COL15A1: variants seen among roughly 807,000 people sequenced by gnomAD.
COL15A1 encodes the protein collagen type XV alpha 1 chain, also known as collagen alpha-1(XV) chain.
Under a neutral mutation model 165.9 loss-of-function variants are expected in COL15A1, and 111 were observed. The observed-to-expected ratio is 0.67, with a 90% CI of 0.57 to 0.78. The LOEUF is 0.78. Among genes scored for constraint, COL15A1 ranks in the 30% least tolerant of loss-of-function variants. The pLI is 0.00. For missense variants in COL15A1, 1,745 were observed against 1,789.7 expected (o/e 0.98, Z 0.45); for synonymous variants, 659 against 674.8 (o/e 0.98, Z 0.36).
rs200154296 is a variant in COL15A1, at chr9:99,024,284, TG to T, written c.1855-589del. On this transcript the variant is annotated intron_variant, in intron 14 of 41. Transcript: ENST00000375001. ...CCACAAGCAGTTTTTTTTGTTTTTT[TG>T]TTTTTTTTTTTTTGAGATGGAGTCT... Among the ~76,000 whole-genome samples the T allele has an allele frequency of 5.1e-3, 686 of 134,148 alleles. 40 individuals are homozygous for T. The highest frequency in any genetic ancestry group is 0.015 in the African/African-American group (499 of 33,542). The allele number at this position is 134,148 out of a possible 152,430, so 88.0% of individuals were successfully genotyped here. A position where few individuals can be genotyped will look rare whatever the true frequency, so the allele number is the denominator to read the frequency against.
At chr9:98,958,903 G>A (rs1837820226) in intron 2 of COL15A1, among the ~76,000 whole-genome samples, 1 of 152,024 alleles carries the variant, frequency 6.6e-6, no homozygotes, top group South Asian at 2.1e-4. Context: ...CACGGAGATA[G>A]GGTGGCTGGA....
intron 12 of COL15A1, 34 bp downstream of exon 12, chr9:99,020,476 G>T (rs1176946807): frequency 6.7e-7 from 1 of 1,493,532 alleles, no homozygotes; most frequent in Non-Finnish European, 9.3e-7. Flanking sequence ...GAACACTTTG[G>T]CTCCTGATCA....
At chr9:99,014,867 T>C (rs2118987702) in intron 9 of COL15A1, among the ~76,000 whole-genome samples, 1 of 152,322 alleles carries the variant, frequency 6.6e-6, no homozygotes, top group East Asian at 1.9e-4. Context: ...CATAGGTAGA[T>C]AAAAGACAAA....
At chr9:99,057,011 T>C (rs1236947997) in intron 35 of COL15A1, among the ~76,000 whole-genome samples, 2 of 152,252 alleles carry the variant, frequency 1.3e-5, no homozygotes, top group Non-Finnish European at 2.9e-5. Flanking sequence ...CTATGAACTT[T>C]CGTGTACAAG....
intron 16 of COL15A1, among the ~76,000 whole-genome samples, chr9:99,034,083 C>T (rs1839255084): frequency 1.3e-5 from 2 of 152,176 alleles, no homozygotes; most frequent in African/African-American, 2.4e-5. Flanking sequence ...AGCTTTGGGT[C>T]TTTAGATCTT....
At position 98,991,655 on chromosome 9, in the gene COL15A1, G is replaced by A. The variant is rs948509946; in HGVS notation, c.804+2397G>A. On this transcript the variant is annotated intron_variant, in intron 5 of 41. Transcript: ENST00000375001. Reference sequence around the variant, plus strand: ...AACCTTGAGCTAGATACAGAGTGCCGATTGATGCATTTACAATCCTCTAGC... The same window carrying A: ...AACCTTGAGCTAGATACAGAGTGCCAATTGATGCATTTACAATCCTCTAGC... Among the ~76,000 whole-genome samples the A allele has an allele frequency of 5.9e-5, 9 of 152,050 alleles. No homozygotes were observed. The South Asian group carries it at 1.4e-3, about 24-fold the overall frequency.
At chr9:99,009,374 T>C (rs1344940069) in intron 9 of COL15A1, among the ~76,000 whole-genome samples, 1 of 152,218 alleles carries the variant, frequency 6.6e-6, no homozygotes, top group Admixed American at 6.5e-5. Flanking sequence ...TCTGAGCACA[T>C]ACTAATAACA....
rs775032043 is a variant in COL15A1, at chr9:99,056,374, C to A, written c.3307C>A (p.Pro1103Thr). 1.2e-6 allele frequency: 2 copies of A among 1,612,676 alleles called. No individual in the cohort carries two copies. The highest frequency in any genetic ancestry group is 1.7e-6 in the Non-Finnish European group (2 of 1,179,826). The change falls in exon 35 of 42, where the codon CCA becomes ACA. Residue 1103 changes from proline (P) to threonine (T), a missense_variant. Transcript: ENST00000375001. The stretch of plus-strand genomic sequence containing the variant: ...TCCTGGGCCACCGGGGCCCCCGGGG[C>A]CACCAGGACCTCCAGCTATCCTGGG... Reference protein sequence around the residue: ...GDPGPPGPPGPPGPPAILGAA... With the variant: ...GDPGPPGPPGTPGPPAILGAA...
At chr9:99,044,808 G>C (rs1456277211) in intron 26 of COL15A1, 38 bp downstream of exon 26, 2 of 1,585,548 alleles carry the variant, frequency 1.3e-6, no homozygotes, top group Non-Finnish European at 1.7e-6. Context: ...CTGGGCTGGG[G>C]TTTGAAGCAT....
intron 2 of COL15A1, among the ~76,000 whole-genome samples, chr9:98,979,520 G>T (rs1838198498): frequency 6.6e-6 from 1 of 152,102 alleles, no homozygotes; most frequent in Non-Finnish European, 1.5e-5. Flanking sequence ...TCTATTCTTT[G>T]CCCATTTTTC....
intron 32 of COL15A1, 32 bp from the exon 33 acceptor site, chr9:99,055,070 A>G: frequency 1.3e-6 from 2 of 1,577,294 alleles, no homozygotes; most frequent in Middle Eastern, 1.7e-4. Context: ...TGAAATTACA[A>G]TCGTGAATTT....
intron 9 of COL15A1, among the ~76,000 whole-genome samples, chr9:99,014,223 C>T (rs1028029048): frequency 1.3e-5 from 2 of 152,182 alleles, no homozygotes; most frequent in African/African-American, 4.8e-5. Context: ...AACCCCAATT[C>T]AGCTACTTAC....
intron 9 of COL15A1, among the ~76,000 whole-genome samples, chr9:99,008,970 A>C (rs1471307196): frequency 1.3e-5 from 2 of 152,272 alleles, no homozygotes; most frequent in Admixed American, 1.3e-4. Context: ...CCGATAAACA[A>C]ACAAAAAAAG....
At chr9:98,950,536 C>G (rs1190403721) in intron 2 of COL15A1, among the ~76,000 whole-genome samples, 11 of 120,182 alleles carry the variant, frequency 9.2e-5, no homozygotes, top group Non-Finnish European at 3.5e-5. Flanking sequence ...CCTTCCTTCC[C>G]TTCCCTTCCC....
Position 98,985,802 on chromosome 9 carries a change from C to T in COL15A1, c.338C>T (p.Ala113Val). ...GGCGTGCTCTTCGCCATCACTGACG[C>T]CTTCCAGAAGGTCATCTACCTGGGC... ...RGGVLFAITD[A>V]FQKVIYLGLR... Residue 113 changes from alanine to valine, a missense_variant, in exon 3 of 42, where the codon GCC becomes GTC. Ala to Val is a moderately conservative substitution (Grantham distance 64). Transcript: ENST00000375001. The T allele has an allele frequency of 6.2e-7, 1 of 1,614,016 alleles. No homozygotes were observed. Among genetic ancestry groups the T allele is most frequent in the Non-Finnish European group, 8.5e-7 (1 of 1,180,040 alleles).
intron 2 of COL15A1, among the ~76,000 whole-genome samples, chr9:98,951,419 T>A (rs531755923): frequency 5.8e-4 from 89 of 152,212 alleles, no homozygotes; most frequent in African/African-American, 2.0e-3. Context: ...TGAGATGGAG[T>A]CATGCTCCTG....
intron 11 of COL15A1, among the ~76,000 whole-genome samples, chr9:99,020,123 T>C (rs1334711623): frequency 6.6e-6 from 1 of 152,252 alleles, no homozygotes; most frequent in East Asian, 1.9e-4. Flanking sequence ...AGAAGACTGA[T>C]TGTCAGGTGT....
In COL15A1 at chr9:99,003,598, C is replaced by T. The variant is rs778400455; in HGVS notation, c.1200+11C>T. On this transcript the variant is annotated intron_variant, in intron 8 of 41. Coordinates refer to ENST00000375001, the MANE Select transcript of COL15A1 (RefSeq NM_001855.5). ...GAAGGGGTCACTCCAGTAAGTAGCT[C>T]AGAGCGCAAGCTCCCCTTCACCTGT... is the stretch of plus-strand genomic sequence containing the variant. The T allele has an allele frequency of 3.4e-6, 5 of 1,474,400 alleles. No individual in the cohort carries two copies. Among genetic ancestry groups the T allele is most frequent in the Non-Finnish European group, 1.8e-6 (2 of 1,109,436 alleles). The allele number at this position is 1,474,400 out of a possible 1,614,324, so 91.3% of individuals were successfully genotyped here.
At chr9:98,974,843 G>A in intron 2 of COL15A1, among the ~76,000 whole-genome samples, 1 of 152,212 alleles carries the variant, frequency 6.6e-6, no homozygotes, top group Non-Finnish European at 1.5e-5. Flanking sequence ...TGTGGGAATG[G>A]TAGAAACCCA....
Sources: allele counts gnomAD v4.1 joint callset (sites outside exome capture counted in the v4.1 genomes callset), GRCh38; gene constraint gnomAD v4.1.1; transcripts MANE v1.5; gene names NCBI Gene and HGNC (gene_info 2026-07-23, HGNC 2026-07-21).